MAMDC4: variants seen among roughly 807,000 people sequenced by gnomAD.
MAMDC4 encodes the protein apical endosomal glycoprotein.
Under a neutral mutation model 153.3 loss-of-function variants are expected in MAMDC4, and 168 were observed. The observed-to-expected ratio is 1.10, with a 90% CI of 0.97 to 1.25. The LOEUF is 1.25. Ranked by LOEUF, MAMDC4 falls within the 50% of genes most tolerant of loss-of-function variation. MAMDC4 has a pLI of 0.00. For missense variants in MAMDC4, 1,701 were observed against 1,542.8 expected (o/e 1.10, Z -1.72); for synonymous variants, 744 against 651.5 (o/e 1.14, Z -2.16).
Position 136,858,816 on chromosome 9 carries a change from C to T in MAMDC4, c.2919C>T (p.Leu973=), listed in dbSNP as rs1374038929. 6.2e-7 allele frequency: 1 copy of T among 1,610,666 alleles called. No individual in the cohort carries two copies. Among genetic ancestry groups the T allele is most frequent in the Non-Finnish European group, 8.5e-7 (1 of 1,178,820 alleles). Residue 973 remains leucine (L), a synonymous_variant, in exon 23 of 27, where the codon CTC becomes CTT. Coordinates refer to ENST00000317446, the MANE Select transcript of MAMDC4 (RefSeq NM_206920.3). ...EPLPATPASC[L]RFWYHMGFPE... ...TGCCGGCCACCCCAGCCTCCTGCCTCCGCTTCTGGTACCACATGGGTTTTC... is the reference window on the plus strand; with the variant it reads ...TGCCGGCCACCCCAGCCTCCTGCCTTCGCTTCTGGTACCACATGGGTTTTC...
rs146970462 is a variant in MAMDC4 at position 136,858,462 on chromosome 9, G to A, written c.2737G>A (p.Gly913Arg). 4.2e-5 allele frequency: 67 copies of A among 1,608,532 alleles called. No individual in the cohort carries two copies. The African/African-American group carries it at 7.3e-4, about 18-fold the overall frequency. Residue 913 changes from glycine (G) to arginine (R), a missense_variant, in exon 22 of 27, where the codon GGA becomes AGA. Transcript: ENST00000317446. ...WSHLAWPGLG[G>R]YSWDWGGGAT... ...CCACCTGGCCTGGCCCGGCCTGGGC[G>A]GATACAGCTGGGACTGGGGCGGGGG...
At chr9:136,857,619 G>A in intron 18 of MAMDC4, 33 bp downstream of exon 18, 1 of 1,612,398 alleles carries the variant, frequency 6.2e-7, no homozygotes, top group African/African-American at 1.3e-5. Context: ...GGGATTGAGG[G>A]GCTGGCCAGG....
rs369163869 is a variant in MAMDC4 at position 136,853,640 on chromosome 9, C to T, written c.424C>T (p.Leu142=). The T allele has an allele frequency of 2.5e-6, 4 of 1,602,206 alleles. No homozygotes were observed. The highest frequency in any genetic ancestry group is 3.4e-6 in the Non-Finnish European group (4 of 1,173,936). The change falls in exon 4 of 27, where the codon CTG becomes TTG. Residue 142 remains leucine, a synonymous_variant. Coordinates refer to ENST00000317446, the MANE Select transcript of MAMDC4 (RefSeq NM_206920.3). The part of the protein sequence containing the change: ...TLREAASSCK[L]RLWYHAASGD... The stretch of plus-strand genomic sequence containing the variant: ...GCGAGAGGCAGCCTCCTCTTGCAAG[C>T]TGAGGCTCTGGTACCACGCGGCCTC...
intron 4 of MAMDC4, 44 bp from the exon 5 acceptor site, chr9:136,853,733 G>A (rs1191623879): frequency 1.2e-6 from 2 of 1,606,142 alleles, no homozygotes; most frequent in Admixed American, 1.7e-5. Flanking sequence ...GGGCAGCTGG[G>A]GACAAGCAGG....
chr9:136,854,853 G>T lies in MAMDC4; in HGVS notation c.1023+3G>T. On this transcript the variant is annotated splice_donor_region_variant and intron_variant, in intron 9 of 26. Coordinates refer to ENST00000317446, the MANE Select transcript of MAMDC4 (RefSeq NM_206920.3). ...CCTCAGGCACCTCCAACTGCTCGGT[G>T]AGATGGGTGGGGCTCACAGGGCCTC... is the stretch of plus-strand genomic sequence containing the variant. 1 of 1,612,768 alleles carries T rather than the reference G, an allele frequency of 6.2e-7. No individual in the cohort carries two copies. Among genetic ancestry groups the T allele is most frequent in the Non-Finnish European group, 8.5e-7 (1 of 1,179,874 alleles).
chr9:136,857,463 T>C lies in MAMDC4; in HGVS notation c.2203T>C (p.Ser735Pro). ...PGPCWAPNYCSFEDSDCGFSP... is the reference protein window; with the variant it reads ...PGPCWAPNYCPFEDSDCGFSP... Reference sequence around the variant, plus strand: ...CCCCTGCTGGGCCCCTAATTACTGCTCCTTTGAGGACTCAGACTGCGGCTT... The same window carrying C: ...CCCCTGCTGGGCCCCTAATTACTGCCCCTTTGAGGACTCAGACTGCGGCTT... Residue 735 changes from serine (S) to proline (P), a missense_variant, in exon 18 of 27, where the codon TCC (serine) becomes CCC (proline). Coordinates refer to ENST00000317446, the MANE Select transcript of MAMDC4 (RefSeq NM_206920.3). 6.2e-7 allele frequency: 1 copy of C among 1,608,954 alleles called. No individual in the cohort carries two copies. The highest frequency in any genetic ancestry group is 8.5e-7 in the Non-Finnish European group (1 of 1,179,922).
chr9:136,854,458 C>G, intron 7 of MAMDC4, 81 bp from the exon 8 acceptor site: 1 of 1,524,780 alleles, frequency 6.6e-7, no homozygotes, highest in East Asian at 2.5e-5. Flanking sequence ...GGTGTGGTTG[C>G]CAGGGCCCCC....
At position 136,854,299 on chromosome 9, in the gene MAMDC4, C is replaced by T. The variant is rs924017268; in HGVS notation, c.759C>T (p.Asn253=). 1.3e-6 allele frequency: 2 copies of T among 1,597,042 alleles called. No individual in the cohort carries two copies. Among genetic ancestry groups the T allele is most frequent in the African/African-American group, 1.3e-5 (1 of 74,830 alleles). Residue 253 remains asparagine (N), a synonymous_variant, in exon 7 of 27, where the codon AAC becomes AAT. Coordinates refer to ENST00000317446, the MANE Select transcript of MAMDC4 (RefSeq NM_206920.3). Reference sequence around the variant, plus strand: ...AGCAGCTGTGCGACGGGGAAGACAACTGCGGGGACCTGTCTGATGAGAACC... The same window carrying T: ...AGCAGCTGTGCGACGGGGAAGACAATTGCGGGGACCTGTCTGATGAGAACC... ...EPQQLCDGED[N]CGDLSDENPL...
At chr9:136,856,428 A>G in intron 14 of MAMDC4, 1 of 788,468 alleles carries the variant, frequency 1.3e-6, no homozygotes, top group Non-Finnish European at 2.3e-6. Context: ...GCGGGCCCTG[A>G]CTTAACCATC....
Position 136,856,772 on chromosome 9 carries a change from C to T in MAMDC4, c.1783C>T (p.His595Tyr), listed in dbSNP as rs113743118. 144 of 1,611,990 alleles carry T rather than the reference C, an allele frequency of 8.9e-5. No individual in the cohort carries two copies. In the African/African-American group the frequency reaches 1.3e-3, roughly 15 times the overall value. The change falls in exon 15 of 27, where the codon CAC becomes TAC. Residue 595 changes from histidine to tyrosine, a missense_variant. Physicochemically the swap from His to Tyr is moderately conservative, Grantham distance 83. Transcript: ENST00000317446. The stretch of plus-strand genomic sequence containing the variant: ...GTACCCAGGCCACCTCTCAGACACA[C>T]ACTGGCGCTGGGTGGAGAGCCGCGG... ...SWYPGHLSDT[H>Y]WRWVESRGPD... is the part of the protein sequence containing the mutation.
Position 136,859,013 on chromosome 9 carries a change from G to T in MAMDC4, c.2965G>T (p.Glu989Ter), listed in dbSNP as rs1208248022. The change falls in exon 24 of 27, where the codon GAG (glutamate) becomes TAG (stop). Residue 989 changes from glutamate (E) to a stop codon, truncating the protein, a stop_gained. Coordinates refer to ENST00000317446, the MANE Select transcript of MAMDC4 (RefSeq NM_206920.3). LOFTEE classifies it high-confidence loss of function. ...MGFPEHFYKG[E>*]LKVLLHSAQG... ...CCTGGCCCTGCTCTCAGACAAGGGG[G>T]AGCTGAAGGTACTGCTGCACAGTGC... 5.9e-6 allele frequency: 9 copies of T among 1,527,980 alleles called. No individual in the cohort carries two copies. In the South Asian group the frequency reaches 9.8e-5, roughly 17 times the overall value. 94.7% of individuals were successfully genotyped at this position (1,527,980 alleles called of 1,614,324 possible).
chr9:136,856,012 C>T lies in MAMDC4; in HGVS notation c.1589-6C>T. 6.2e-7 allele frequency: 1 copy of T among 1,608,636 alleles called. No individual in the cohort carries two copies. Among genetic ancestry groups the T allele is most frequent in the Middle Eastern group, 1.7e-4 (1 of 6,048 alleles). ...TGAGGCTCTGAGCACCATGCTCTTC[C>T]CCTAGGGCACTTCCTGTCTCTGCAG... On this transcript the variant is annotated splice_region_variant and splice_polypyrimidine_tract_variant and intron_variant, in intron 13 of 26. Transcript: ENST00000317446.
At chr9:136,858,962 G>C in intron 23 of MAMDC4, 43 bp from the exon 24 acceptor site, 1 of 1,513,070 alleles carries the variant, frequency 6.6e-7, no homozygotes. Context: ...GCGTGCAGGA[G>C]CCCCAGGACC....
chr9:136,852,660 G>A (rs926026577), intron 1 of MAMDC4, among the ~76,000 whole-genome samples, 198 bp downstream of exon 1: 2 of 152,226 alleles, frequency 1.3e-5, no homozygotes, highest in Non-Finnish European at 2.9e-5. Flanking sequence ...GCCAAGCAAA[G>A]GAAGAGGCAC....
At chr9:136,859,756 C>T in intron 25 of MAMDC4, 130 bp from the exon 26 acceptor site, 1 of 926,622 alleles carries the variant, frequency 1.1e-6, no homozygotes, top group Non-Finnish European at 1.6e-6. Context: ...AACCAATACC[C>T]TCTGCCTTTG....
In MAMDC4 at chr9:136,860,758, T is replaced by A; in HGVS notation, c.*155T>A. The A allele has an allele frequency of 5.3e-6, 4 of 749,582 alleles. No individual in the cohort carries two copies. Among genetic ancestry groups the A allele is most frequent in the Non-Finnish European group, 8.7e-6 (4 of 462,112 alleles). 46.4% of individuals were successfully genotyped at this position (749,582 alleles called of 1,614,324 possible). A position where few individuals can be genotyped will look rare whatever the true frequency, so the allele number is the denominator to read the frequency against. Reference sequence around the variant, plus strand: ...CGTTCCCTGCCCTGTGCTGACTCTGTTGCTCTGTGAATAAACACCCTGGCC... The same window carrying A: ...CGTTCCCTGCCCTGTGCTGACTCTGATGCTCTGTGAATAAACACCCTGGCC... On this transcript the variant is annotated 3_prime_UTR_variant, in exon 27 of 27. Transcript: ENST00000317446.
At position 136,853,578 on chromosome 9, in the gene MAMDC4, AAG is replaced by A. The variant is rs1848959159; in HGVS notation, c.365_366del (p.Glu122GlyfsTer33). ...ATGGCCGTTGGAACCCACCGAGGGAAAGAGGCATCCACCGCAGCCCTGCGCTC... is the reference window on the plus strand; with the variant it reads ...ATGGCCGTTGGAACCCACCGAGGGAAAGGCATCCACCGCAGCCCTGCGCTC... On this transcript the variant is annotated frameshift_variant, in exon 4 of 27. Transcript: ENST00000317446. LOFTEE classifies it high-confidence loss of function. The A allele has an allele frequency of 6.2e-7, 1 of 1,612,632 alleles. No homozygotes were observed. The highest frequency in any genetic ancestry group is 8.5e-7 in the Non-Finnish European group (1 of 1,179,932).
Position 136,858,732 on chromosome 9 carries a change from C to A in MAMDC4, c.2835C>A (p.Phe945Leu). The A allele has an allele frequency of 6.2e-7, 1 of 1,612,088 alleles. No individual in the cohort carries two copies. The highest frequency in any genetic ancestry group is 8.5e-7 in the Non-Finnish European group (1 of 1,179,710). The change falls in exon 23 of 27, where the codon TTC becomes TTA. Residue 945 changes from phenylalanine (F) to leucine (L), a missense_variant. Physicochemically the swap from Phe to Leu is conservative, Grantham distance 22 (BLOSUM62 0). Coordinates refer to ENST00000317446, the MANE Select transcript of MAMDC4 (RefSeq NM_206920.3). ...TLGTEAGHFA[F>L]FETGVLGPGG... ...TCTTGTTCCCAGGCCACTTTGCCTT[C>A]TTTGAAACTGGCGTGCTGGGCCCCG...
chr9:136,860,081 A>G lies in MAMDC4; in HGVS notation c.3372+17A>G. On this transcript the variant is annotated intron_variant, in intron 26 of 26. Transcript: ENST00000317446. Reference sequence around the variant, plus strand: ...TTCAATGCGGTAGGAGCCCCTGGGGATGGGTGGGCAGGAGCCTCTGTGCTC... The same window carrying G: ...TTCAATGCGGTAGGAGCCCCTGGGGGTGGGTGGGCAGGAGCCTCTGTGCTC... 6.5e-7 allele frequency: 1 copy of G among 1,537,126 alleles called. No homozygotes were observed. Among genetic ancestry groups the G allele is most frequent in the East Asian group, 2.4e-5 (1 of 42,130 alleles).
Sources: gnomAD v4.1 joint callset for allele counts (sites outside exome capture counted in the v4.1 genomes callset) on GRCh38, gnomAD v4.1.1 for gene constraint, MANE v1.5 for transcripts, NCBI Gene and HGNC (gene_info 2026-07-23, HGNC 2026-07-21) for gene names.